The following CFAP74 variants were observed in gnomAD, a reference collection of about 807,000 sequenced individuals.
The protein encoded by CFAP74 is cilia- and flagella-associated protein 74.
Under a neutral mutation model 188.9 loss-of-function variants are expected in CFAP74, and 124 were observed. That is an observed-to-expected ratio of 0.66 (90% CI 0.57 to 0.76). The LOEUF (loss-of-function observed/expected upper bound fraction) is 0.76, where lower values mean the gene tolerates loss of function less well. CFAP74 is among the 30% of genes least tolerant of loss of function. The pLI is 0.00. For missense variants in CFAP74, 2,198 were observed against 2,165.2 expected, an observed-to-expected ratio of 1.02 and a Z score of -0.30; for synonymous variants, 956 against 916.7, an observed-to-expected ratio of 1.04 and a Z score of -0.77.
intron 38 of CFAP74, 65 bp downstream of exon 38, chr1:1,922,524 G>C: frequency 1.3e-6 from 2 of 1,586,760 alleles, no homozygotes; most frequent in Non-Finnish European, 8.6e-7. Context: ...ACTGGGCAGG[G>C]GTGTCAGCCC....
intron 9 of CFAP74, among the ~76,000 whole-genome samples, chr1:1,971,666 C>G (rs1380776182): frequency 6.6e-6 from 1 of 152,232 alleles, no homozygotes; most frequent in Non-Finnish European, 1.5e-5. Flanking sequence ...GCCTTGGCCC[C>G]AGGGCATGGC....
intron 18 of CFAP74, among the ~76,000 whole-genome samples, chr1:1,950,694 T>C (rs756808505): frequency 2.7e-4 from 41 of 152,218 alleles, no homozygotes; most frequent in Non-Finnish European, 5.4e-4. Context: ...AAATTACATA[T>C]TTTGGACACA....
chr1:1,990,823 C>G, intron 2 of CFAP74, 67 bp downstream of exon 2: 1 of 1,272,188 alleles, frequency 7.9e-7, no homozygotes, highest in Non-Finnish European at 1.1e-6. Context: ...TAAAGGGCTA[C>G]TATGAAGCAT....
At chr1:1,940,080 C>G (rs1653260685) in intron 23 of CFAP74, among the ~76,000 whole-genome samples, 1 of 150,024 alleles carries the variant, frequency 6.7e-6, no homozygotes, top group South Asian at 2.1e-4. Flanking sequence ...TGTGCACATG[C>G]AGGTGCAGGT....
intron 10 of CFAP74, 116 bp downstream of exon 10, chr1:1,970,543 G>A: frequency 8.3e-7 from 1 of 1,203,310 alleles, no homozygotes; most frequent in South Asian, 1.6e-5. Context: ...CCGCCTGAGT[G>A]GGCGCCCTGG....
chr1:1,932,891 C>CTTTTT (rs1386467993), intron 25 of CFAP74, among the ~76,000 whole-genome samples: 1 of 134,706 alleles, frequency 7.4e-6, no homozygotes, highest in African/African-American at 2.8e-5. Flanking sequence ...TGTGCCCGAC[C>CTTTTT]TTTTTTTTTT....
intron 22 of CFAP74, among the ~76,000 whole-genome samples, chr1:1,940,969 C>T (rs1030499051): frequency 1.3e-5 from 2 of 151,928 alleles, no homozygotes; most frequent in Non-Finnish European, 1.5e-5. Flanking sequence ...AAAAATTAGC[C>T]GGGCGTGGTG....
At chr1:1,997,414 C>T (rs1379403376) in intron 1 of CFAP74, among the ~76,000 whole-genome samples, 1 of 148,420 alleles carries the variant, frequency 6.7e-6, no homozygotes, top group African/African-American at 2.5e-5. Flanking sequence ...AAGAGCGAAA[C>T]TCCGTCTCAA....
At chr1:1,998,419 A>G (rs1462224234) in intron 1 of CFAP74, among the ~76,000 whole-genome samples, 1 of 139,672 alleles carries the variant, frequency 7.2e-6, no homozygotes, top group African/African-American at 2.6e-5. Context: ...TCTTTGAAAC[A>G]TGCTAGTCCA....
chr1:1,952,610 G>GAAAGAAAGAAAGAAAGAAAGAA (rs555514879), intron 18 of CFAP74, among the ~76,000 whole-genome samples: 359 of 151,472 alleles, frequency 2.4e-3, no homozygotes, highest in African/African-American at 8.1e-3. Flanking sequence ...AAGAAAGAAA[G>GAAAGAAAGAAAGAAAGAAAGAA]AAAGACAGAC....
Position 1,929,979 on chromosome 1 carries a change from G to C in CFAP74, c.3288+81C>G. The C allele has an allele frequency of 8.6e-6, 12 of 1,399,674 alleles. 1 individual carries two copies. The highest frequency in any genetic ancestry group is 1.1e-5 in the Non-Finnish European group (12 of 1,054,598). 86.7% of individuals were successfully genotyped at this position (1,399,674 alleles called of 1,614,324 possible). ...GGTTGAAACCCTGTGGTTAAGGGTG[G>C]GCAGAGCCAGACACCCCAGGGGTAA... On this transcript the variant is annotated intron_variant, in intron 26 of 38. Coordinates refer to ENST00000682832, the MANE Select transcript of CFAP74 (RefSeq NM_001304360.2).
rs556879579 is a variant in CFAP74 at position 1,981,168 on chromosome 1, G to A, written c.500+4218C>T. On this transcript the variant is annotated intron_variant, in intron 6 of 38. Coordinates refer to ENST00000682832, the MANE Select transcript of CFAP74 (RefSeq NM_001304360.2). ...TTGGGCTCTACCGCTGGAAGCCCCC[G>A]TTCCAGAGGGAGGAGGCCTTGCAGA... 1.7e-3 allele frequency among the ~76,000 whole-genome samples: 264 copies of A among 152,350 alleles called. 1 individual carries two copies. Among genetic ancestry groups the A allele is most frequent in the African/African-American group, 6.1e-3 (252 of 41,586 alleles).
At chr1:1,946,957 G>C in intron 19 of CFAP74, 33 bp downstream of exon 19, 3 of 1,499,172 alleles carry the variant, frequency 2.0e-6, no homozygotes, top group Non-Finnish European at 2.7e-6. Context: ...GTCTTGGATC[G>C]TGGCAGCTAT....
chr1:1,942,133 T>C lies in CFAP74; in HGVS notation c.2510A>G (p.Lys837Arg). 6.6e-7 allele frequency: 1 copy of C among 1,525,750 alleles called. No individual in the cohort carries two copies. Among genetic ancestry groups the C allele is most frequent in the Non-Finnish European group, 8.8e-7 (1 of 1,142,790 alleles). 94.5% of individuals were successfully genotyped at this position (1,525,750 alleles called of 1,614,324 possible). A position where few individuals can be genotyped will look rare whatever the true frequency, so the allele number is the denominator to read the frequency against. The change falls in exon 22 of 39, where the codon AAG becomes AGG. Residue 837 changes from lysine (K) to arginine (R), a missense_variant. By Grantham distance (26) the Lys-to-Arg change is conservative. Coordinates refer to ENST00000682832, the MANE Select transcript of CFAP74 (RefSeq NM_001304360.2). This position sits in a 1 kb window ranked among gnomAD's most constrained non-coding sequence, Gnocchi z 4.3. ...CCTCAGCTCCTTGCACACCTCGAAC[T>C]TCAGGCGCAGGGCAGCTTTCGACCT... Reference protein sequence around the residue: ...HTRSKAALRLKFEVCKELRAH... With the variant: ...HTRSKAALRLRFEVCKELRAH...
chr1:1,933,048 G>C (rs1225348993), intron 25 of CFAP74, among the ~76,000 whole-genome samples: 1 of 149,612 alleles, frequency 6.7e-6, no homozygotes, highest in Non-Finnish European at 1.5e-5. Context: ...ACCATGCCCG[G>C]CTAATTTTTT....
rs374625283 is a variant in CFAP74 at position 1,974,113 on chromosome 1, G to A, written c.586C>T (p.Arg196Trp). The A allele has an allele frequency of 8.7e-6, 14 of 1,612,308 alleles. No homozygotes were observed. Among genetic ancestry groups the A allele is most frequent in the Admixed American group, 1.7e-5 (1 of 59,854 alleles). ...TCGGCTGCGCGCACCTGGAGCCGCC[G>A]CCCCGTGGCCTCCACCTCCTCACGG... The part of the protein sequence containing the change: ...ADREEVEATG[R>W]RLQVRAAEQL... Residue 196 changes from arginine to tryptophan, a missense_variant, in exon 7 of 39, where the codon CGG (arginine) becomes TGG (tryptophan). By Grantham distance (101) the Arg-to-Trp change is moderately radical (BLOSUM62 -3). Coordinates refer to ENST00000682832, the MANE Select transcript of CFAP74 (RefSeq NM_001304360.2).
At chr1:1,959,841 C>T (rs565498145) in intron 15 of CFAP74, 123 bp downstream of exon 15, 48 of 765,754 alleles carry the variant, frequency 6.3e-5, no homozygotes, top group Middle Eastern at 4.8e-4. Context: ...CAGGGGCCTG[C>T]GTGATCCTCA....
chr1:1,977,461 AGAGCTCCTCAT>A (rs1199718767), intron 6 of CFAP74, among the ~76,000 whole-genome samples: 2 of 152,310 alleles, frequency 1.3e-5, no homozygotes, highest in South Asian at 2.1e-4. Flanking sequence ...AGGGGCTGCC[AGAGCTCCTCAT>A]GACCCCCTTG....
chr1:1,945,908 ATG>A (rs1340044818), intron 20 of CFAP74, among the ~76,000 whole-genome samples: 1 of 128,100 alleles, frequency 7.8e-6, no homozygotes, highest in Non-Finnish European at 1.6e-5. Flanking sequence ...ATGTGTGTGC[ATG>A]TGTGTGAGGA....
Sources: gnomAD v4.1 joint callset for allele counts (sites outside exome capture counted in the v4.1 genomes callset) on GRCh38, gnomAD v4.1.1 for gene constraint, Gnocchi (gnomAD v3.1) non-coding constraint, MANE v1.5 for transcripts, NCBI Gene and HGNC (gene_info 2026-07-23, HGNC 2026-07-21) for gene names.